The following CNNM2 variants were observed in gnomAD, a reference collection of about 807,000 sequenced individuals.
The protein encoded by CNNM2 is cyclin and CBS domain divalent metal cation transport mediator 2.
A neutral mutation model predicts 66.9 loss-of-function variants in CNNM2; 12 were observed. That is an observed-to-expected ratio of 0.18 (90% CI 0.11 to 0.29). CNNM2 has a LOEUF of 0.29. CNNM2 is among the 10% of genes least tolerant of loss of function. CNNM2 has a pLI of 1.00. For synonymous variants in CNNM2, 557 were observed against 501.8 expected, an observed-to-expected ratio of 1.11 and a Z score of -1.47; for missense variants, 705 against 1,167.7, an observed-to-expected ratio of 0.60 and a Z score of 5.77.
At chr10:103,019,157 T>C (rs2064517525) in intron 1 of CNNM2, among the ~76,000 whole-genome samples, 1 of 151,374 alleles carries the variant, frequency 6.6e-6, no homozygotes, top group South Asian at 2.1e-4. Context: ...TAGTCCCAGC[T>C]ACTCAGGAGG....
chr10:102,982,299 C>G (rs192883189), intron 1 of CNNM2, among the ~76,000 whole-genome samples: 1 of 152,236 alleles, frequency 6.6e-6, no homozygotes, highest in Non-Finnish European at 1.5e-5. Context: ...CTCTCTAGAC[C>G]TTAAGCTCCA....
intron 1 of CNNM2, among the ~76,000 whole-genome samples, chr10:103,016,119 C>G (rs1380296832): frequency 6.6e-6 from 1 of 151,950 alleles, no homozygotes; most frequent in Non-Finnish European, 1.5e-5. Context: ...CATCTAGATT[C>G]CCACGCCCCC....
At chr10:103,000,114 T>C (rs899862268) in intron 1 of CNNM2, among the ~76,000 whole-genome samples, 3 of 152,060 alleles carry the variant, frequency 2.0e-5, no homozygotes, top group African/African-American at 7.2e-5. Context: ...CAGGCACCTA[T>C]AATACCAGCT....
intron 1 of CNNM2, among the ~76,000 whole-genome samples, chr10:102,980,568 C>G (rs1024025619): frequency 1.3e-5 from 2 of 152,052 alleles, no homozygotes; most frequent in Admixed American, 6.6e-5. Context: ...CATGCCCAAC[C>G]CAGTTTTAGA....
chr10:103,010,472 C>T (rs2064321108), intron 1 of CNNM2, among the ~76,000 whole-genome samples: 2 of 151,922 alleles, frequency 1.3e-5, no homozygotes, highest in South Asian at 4.1e-4. Flanking sequence ...TCAAGCAATC[C>T]ACCTGCCTTG....
rs1389702939 is a variant in CNNM2 at position 102,960,477 on chromosome 10, AACT to A, written c.1621+40380_1621+40382del. The stretch of plus-strand genomic sequence containing the variant: ...CTGTGTTTTCACCACAAAGAGATAA[AACT>A]ACTGTTGACATTTTGACATATCTTT... On this transcript the variant is annotated intron_variant, in intron 1 of 7. Coordinates refer to ENST00000369878, the MANE Select transcript of CNNM2 (RefSeq NM_017649.5). 9.2e-5 allele frequency among the ~76,000 whole-genome samples: 14 copies of A among 152,350 alleles called. No individual in the cohort carries two copies. The East Asian group carries it at 2.5e-3, about 27-fold the overall frequency.
At chr10:102,965,658 G>A (rs2063452208) in intron 1 of CNNM2, among the ~76,000 whole-genome samples, 1 of 152,146 alleles carries the variant, frequency 6.6e-6, no homozygotes, top group Non-Finnish European at 1.5e-5. Flanking sequence ...CCTTATCAGT[G>A]TTTGGCCTTT....
intron 1 of CNNM2, among the ~76,000 whole-genome samples, chr10:103,007,986 G>A (rs901904552): frequency 1.5e-4 from 23 of 152,112 alleles, no homozygotes; most frequent in African/African-American, 4.6e-4. Flanking sequence ...CCCTCCGTTC[G>A]GGGTCCCTGA....
Position 103,022,698 on chromosome 10 carries a change from G to A in CNNM2, c.1622-27009G>A, listed in dbSNP as rs146900682. ...CATGTATTAGTCCATTTGCATTGCT[G>A]TAAAGGAGTACCTGAGACTGGGTAA... On this transcript the variant is annotated intron_variant, in intron 1 of 7. Coordinates refer to ENST00000369878, the MANE Select transcript of CNNM2 (RefSeq NM_017649.5). Among the ~76,000 whole-genome samples, 107 of 152,282 alleles carry A rather than the reference G, an allele frequency of 7.0e-4. 1 individual carries two copies. Among genetic ancestry groups the A allele is most frequent in the African/African-American group, 2.5e-3 (104 of 41,542 alleles).
At position 103,078,063 on chromosome 10, in the gene CNNM2, A is replaced by G. The variant is rs1179007313; in HGVS notation, c.*883A>G. ...CTAAGCTCACAGAGTGTCGTCGCCC[A>G]CCTCCCTGGTCCTTGCTCTTGTTAA... On this transcript the variant is annotated 3_prime_UTR_variant, in exon 8 of 8. Coordinates refer to ENST00000369878, the MANE Select transcript of CNNM2 (RefSeq NM_017649.5). 1 of 151,880 alleles carries G rather than the reference A, an allele frequency of 6.6e-6. No homozygotes were observed. Among genetic ancestry groups the G allele is most frequent in the Non-Finnish European group, 1.5e-5 (1 of 67,930 alleles). The allele number at this position is 151,880 out of a possible 1,614,324, so 9.4% of individuals were successfully genotyped here. A position where few individuals can be genotyped will look rare whatever the true frequency, so the allele number is the denominator to read the frequency against.
chr10:103,016,165 T>C (rs2064444473), intron 1 of CNNM2, among the ~76,000 whole-genome samples: 1 of 151,950 alleles, frequency 6.6e-6, no homozygotes, highest in Admixed American at 6.6e-5. Context: ...GAATCAGCTA[T>C]TCTCCATGGA....
rs544869750 is a variant in CNNM2, at chr10:103,079,403, C to A, written c.*2223C>A. On this transcript the variant is annotated 3_prime_UTR_variant, in exon 8 of 8. Coordinates refer to ENST00000369878, the MANE Select transcript of CNNM2 (RefSeq NM_017649.5). Reference sequence around the variant, plus strand: ...TGCCCTGTCAACCTATCTGGGCTCACGTCTGCTTCTCCACACACAGTCTCT... The same window carrying A: ...TGCCCTGTCAACCTATCTGGGCTCAAGTCTGCTTCTCCACACACAGTCTCT... 2 of 152,378 alleles carry A rather than the reference C, an allele frequency of 1.3e-5. No homozygotes were observed. The highest frequency in any genetic ancestry group is 2.1e-4 in the South Asian group (1 of 4,814). 9.4% of individuals were successfully genotyped at this position (152,378 alleles called of 1,614,324 possible). A position where few individuals can be genotyped will look rare whatever the true frequency, so the allele number is the denominator to read the frequency against.
At chr10:102,927,492 G>A in intron 1 of CNNM2, 1 of 1,573,456 alleles carries the variant, frequency 6.4e-7, no homozygotes, top group South Asian at 1.1e-5. Flanking sequence ...GGGCGTGGTG[G>A]CTCATGCCTG....
chr10:102,986,996 C>T (rs926715553), intron 1 of CNNM2, among the ~76,000 whole-genome samples: 1 of 152,074 alleles, frequency 6.6e-6, no homozygotes, highest in Non-Finnish European at 1.5e-5. Context: ...GCACAGATTT[C>T]TGCTGATGGT....
chr10:103,052,218 T>G (rs2065225617), intron 2 of CNNM2, among the ~76,000 whole-genome samples: 2 of 150,762 alleles, frequency 1.3e-5, no homozygotes, highest in Admixed American at 1.3e-4. Context: ...GAGGCAGAGG[T>G]TGCAGTGAGC....
In CNNM2 at chr10:102,926,712, AT is replaced by A. The variant is rs376861078; in HGVS notation, c.1621+6632del. Among the ~76,000 whole-genome samples the A allele has an allele frequency of 5.4e-3, 609 of 113,784 alleles. 1 individual carries two copies. Among genetic ancestry groups the A allele is most frequent in the African/African-American group, 0.013 (387 of 29,020 alleles). 74.6% of individuals were successfully genotyped at this position (113,784 alleles called of 152,430 possible). On this transcript the variant is annotated intron_variant, in intron 1 of 7. Coordinates refer to ENST00000369878, the MANE Select transcript of CNNM2 (RefSeq NM_017649.5). Reference sequence around the variant, plus strand: ...AGGCGTGTGCCACCACACCCAGCTAATTTTTTTTTTTTTTTTTTTTTGAGAT... The same window carrying A: ...AGGCGTGTGCCACCACACCCAGCTAATTTTTTTTTTTTTTTTTTTTGAGAT...
intron 1 of CNNM2, among the ~76,000 whole-genome samples, chr10:102,970,139 A>C (rs1470183619): frequency 6.6e-6 from 1 of 152,196 alleles, no homozygotes; most frequent in African/African-American, 2.4e-5. Context: ...TTTTATTTTT[A>C]AATGGTCGAA....
chr10:102,928,607 AT>A (rs1454334335), intron 1 of CNNM2, among the ~76,000 whole-genome samples: 1 of 150,606 alleles, frequency 6.6e-6, no homozygotes, highest in Non-Finnish European at 1.5e-5. Flanking sequence ...AAAGAAATTT[AT>A]TTCTCAGTTC....
intron 6 of CNNM2, among the ~76,000 whole-genome samples, chr10:103,072,222 C>T (rs570681900): frequency 5.3e-5 from 8 of 152,294 alleles, no homozygotes; most frequent in Admixed American, 5.2e-4. Context: ...TGCAGAGGCC[C>T]TGAGGGCCTC....
Sources: gnomAD v4.1 joint callset for allele counts (sites outside exome capture counted in the v4.1 genomes callset) on GRCh38, gnomAD v4.1.1 for gene constraint, MANE v1.5 for transcripts, NCBI Gene and HGNC (gene_info 2026-07-23, HGNC 2026-07-21) for gene names.